Variants in PCDHGA2 observed in about 807,000 individuals in gnomAD.
PCDHGA2 encodes the protein protocadherin gamma subfamily A, 2.
A neutral mutation model predicts 59.2 loss-of-function variants in PCDHGA2; 40 were observed. That is an observed-to-expected ratio of 0.68 (90% CI 0.52 to 0.88). The LOEUF is 0.88. Among genes scored for constraint, PCDHGA2 ranks in the 40% least tolerant of loss-of-function variants. The pLI, the probability that PCDHGA2 is intolerant of heterozygous loss-of-function variation, is 0.00. For missense variants in PCDHGA2, 1,226 were observed against 1,204.0 expected, an observed-to-expected ratio of 1.02 and a Z score of -0.27; for synonymous variants, 560 against 526.0, an observed-to-expected ratio of 1.06 and a Z score of -0.89.
At chr5:141,392,608 AT>A in intron 1 of PCDHGA2, 1 of 519,670 alleles carries the variant, frequency 1.9e-6, no homozygotes, top group Non-Finnish European at 3.3e-6. Context: ...TGGAAGACAA[AT>A]GCAACCGAAA....
chr5:141,426,646 T>C (rs764903298), intron 1 of PCDHGA2: 1 of 416,448 alleles, frequency 2.4e-6, no homozygotes, highest in South Asian at 1.7e-5. Flanking sequence ...ATAAATGTGA[T>C]GATAGAAGAT....
chr5:141,494,752 T>C (rs889400984), intron 1 of PCDHGA2, 55 bp from the exon 2 acceptor site: 18 of 1,612,206 alleles, frequency 1.1e-5, no homozygotes, highest in Non-Finnish European at 1.5e-5. Context: ...GGGGCTCGGG[T>C]GACATTCTAA....
Position 141,394,739 on chromosome 5 carries a change from C to A in PCDHGA2, c.2424+53344C>A, listed in dbSNP as rs377359689. 7.4e-6 allele frequency: 12 copies of A among 1,613,272 alleles called. No individual in the cohort carries two copies. In the African/African-American group the frequency reaches 1.2e-4, roughly 16 times the overall value. ...ACAGAGATGCGCTCAAGCAGAGCCT[C>A]GTGGTGGCCGTCCAGGACCATGGCC... On this transcript the variant is annotated intron_variant, in intron 1 of 3. Coordinates refer to ENST00000394576, the MANE Select transcript of PCDHGA2 (RefSeq NM_018915.4).
intron 1 of PCDHGA2, among the ~76,000 whole-genome samples, chr5:141,459,838 A>C (rs944807247): frequency 1.3e-5 from 2 of 152,098 alleles, no homozygotes; most frequent in African/African-American, 4.8e-5. Context: ...TGTGTTGTCT[A>C]TTTGTATATC....
At chr5:141,355,920 C>G (rs1760043730) in intron 1 of PCDHGA2, 1 of 1,613,790 alleles carries the variant, frequency 6.2e-7, no homozygotes, top group Non-Finnish European at 8.5e-7. Context: ...ATAATGCTCC[C>G]GTGTTCACTC....
intron 1 of PCDHGA2, among the ~76,000 whole-genome samples, chr5:141,475,097 T>C (rs180692931): frequency 6.6e-6 from 1 of 152,370 alleles, no homozygotes; most frequent in East Asian, 1.9e-4. Context: ...TTTATAAAGA[T>C]CCTAGGTGGT....
intron 1 of PCDHGA2, among the ~76,000 whole-genome samples, chr5:141,451,908 G>A (rs899191624): frequency 3.9e-5 from 6 of 152,046 alleles, no homozygotes; most frequent in African/African-American, 7.2e-5. Context: ...AAGGGAGGGA[G>A]GGAGGAAGGA....
chr5:141,389,230 T>G, intron 1 of PCDHGA2: 1 of 1,613,936 alleles, frequency 6.2e-7, no homozygotes, highest in Non-Finnish European at 8.5e-7. Flanking sequence ...AACGCTCCGG[T>G]TTTCTCACAG....
At chr5:141,399,115 GA>G in intron 1 of PCDHGA2, 3 of 1,613,814 alleles carry the variant, frequency 1.9e-6, no homozygotes, top group Non-Finnish European at 2.5e-6. Context: ...ATGTACAGTT[GA>G]AATTAATATT....
chr5:141,355,308 T>C, intron 1 of PCDHGA2: 1 of 1,613,914 alleles, frequency 6.2e-7, no homozygotes, highest in Non-Finnish European at 8.5e-7. Flanking sequence ...ACTCGGTGTT[T>C]GAGGAGCAGG....
intron 1 of PCDHGA2, chr5:141,385,538 G>A (rs914768371): frequency 4.1e-5 from 55 of 1,337,642 alleles, no homozygotes; most frequent in Non-Finnish European, 4.8e-5. Flanking sequence ...TTATGAATAT[G>A]TGGACTATCA....
In PCDHGA2 at chr5:141,486,172, T is replaced by C; in HGVS notation, c.2425-8635T>C. ...GGGGTTCTCCAGCCATGGAGCAACA[T>C]TGCAGCCTTCGAGTGGATCTGCTGG... On this transcript the variant is annotated intron_variant, in intron 1 of 3. Transcript: ENST00000394576. The surrounding 1 kb of genome is among the most constrained non-coding windows in gnomAD (Gnocchi z 5.0). 3 of 1,614,212 alleles carry C rather than the reference T, an allele frequency of 1.9e-6. No homozygotes were observed. Among genetic ancestry groups the C allele is most frequent in the Admixed American group, 1.7e-5 (1 of 60,036 alleles).
intron 1 of PCDHGA2, chr5:141,350,916 T>G (rs761144517): frequency 6.2e-7 from 1 of 1,614,080 alleles, no homozygotes; most frequent in Admixed American, 1.7e-5. Flanking sequence ...GACCCGCCTC[T>G]AAGCGGCACC....
chr5:141,398,189 T>A (rs926901002), intron 1 of PCDHGA2: 41 of 1,482,238 alleles, frequency 2.8e-5, no homozygotes, highest in Non-Finnish European at 3.5e-5. Context: ...TTTCTCTTCC[T>A]GCTGTCTTTG....
At chr5:141,357,490 C>A in intron 1 of PCDHGA2, 4 of 1,614,218 alleles carry the variant, frequency 2.5e-6, no homozygotes, top group South Asian at 1.1e-5. Flanking sequence ...CGCGGACTCG[C>A]GGAAGAGTCA....
At chr5:141,494,780 G>A (rs1314622459) in intron 1 of PCDHGA2, 27 bp from the exon 2 acceptor site, 13 of 1,613,898 alleles carry the variant, frequency 8.1e-6, no homozygotes, top group African/African-American at 1.3e-5. Context: ...CGGGTACTCA[G>A]CCCCTTTCCC....
chr5:141,383,319 A>T, intron 1 of PCDHGA2: 2 of 1,614,020 alleles, frequency 1.2e-6, no homozygotes, highest in Non-Finnish European at 1.7e-6. Context: ...AAATAAATGT[A>T]AAAATAATGG....
At chr5:141,364,394 A>G in intron 1 of PCDHGA2, 2 of 1,603,510 alleles carry the variant, frequency 1.2e-6, no homozygotes, top group South Asian at 1.1e-5. Context: ...GCTCCTGGGG[A>G]CGCTGTGCGA....
In PCDHGA2 at chr5:141,487,680, A is replaced by G; in HGVS notation, c.2425-7127A>G. On this transcript the variant is annotated intron_variant, in intron 1 of 3. Coordinates refer to ENST00000394576, the MANE Select transcript of PCDHGA2 (RefSeq NM_018915.4). This position sits in a 1 kb window ranked among gnomAD's most constrained non-coding sequence, Gnocchi z 5.0. ...TCTGATCCAGGCATATGGCTAGGCC[A>G]TGTCCTAGAGAGTACTGGCCTCTCA... 6.2e-7 allele frequency: 1 copy of G among 1,609,370 alleles called. No individual in the cohort carries two copies. The highest frequency in any genetic ancestry group is 2.2e-5 in the East Asian group (1 of 44,826).
Sources: gnomAD v4.1 joint callset for allele counts (sites outside exome capture counted in the v4.1 genomes callset) on GRCh38, gnomAD v4.1.1 for gene constraint, Gnocchi (gnomAD v3.1) non-coding constraint, MANE v1.5 for transcripts, NCBI Gene and HGNC (gene_info 2026-07-23, HGNC 2026-07-21) for gene names.